The following TEAD1 variants were observed in gnomAD, a reference collection of about 807,000 sequenced individuals.
TEAD1 encodes TEA domain transcription factor 1, also known as transcriptional enhancer factor TEF-1.
TEAD1 carries 9 observed loss-of-function variants against 54.9 expected under a neutral mutation model. The ratio of observed to expected loss-of-function variants is 0.16; its 90% CI spans 0.10 to 0.29. TEAD1 has a LOEUF of 0.29. Ranked by LOEUF, TEAD1 falls within the 10% of genes least tolerant of loss-of-function variation. TEAD1 has a pLI of 1.00. For missense variants in TEAD1, 387 were observed against 535.9 expected (o/e 0.72, Z 2.74); for synonymous variants, 200 against 187.8 (o/e 1.07, Z -0.53).
At chr11:12,843,332 A>G (rs1947077251) in intron 3 of TEAD1, among the ~76,000 whole-genome samples, 1 of 152,250 alleles carries the variant, frequency 6.6e-6, no homozygotes, top group African/African-American at 2.4e-5. Context: ...TAAAGTAGAA[A>G]GTAGCACTCT....
At chr11:12,779,699 A>G (rs151144979) in intron 3 of TEAD1, among the ~76,000 whole-genome samples, 1 of 152,370 alleles carries the variant, frequency 6.6e-6, no homozygotes, top group Non-Finnish European at 1.5e-5. Flanking sequence ...ATATGAACCC[A>G]TTCAGCAACA....
intron 2 of TEAD1, among the ~76,000 whole-genome samples, chr11:12,727,568 T>C (rs920405072): frequency 4.6e-5 from 7 of 152,200 alleles, no homozygotes; most frequent in African/African-American, 1.7e-4. Flanking sequence ...TGATCCATGG[T>C]TCTCTTTGTA....
In TEAD1 at chr11:12,937,286, C is replaced by A; in HGVS notation, c.*64C>A. The A allele has an allele frequency of 1.5e-6, 2 of 1,303,014 alleles. No homozygotes were observed. The highest frequency in any genetic ancestry group is 2.2e-6 in the Non-Finnish European group (2 of 909,732). 80.7% of individuals were successfully genotyped at this position (1,303,014 alleles called of 1,614,324 possible). On this transcript the variant is annotated 3_prime_UTR_variant, in exon 13 of 13. Transcript: ENST00000527636. Reference sequence around the variant, plus strand: ...ACACACATATGTGCACACACACACTCTCTCTCCATTATCGAACGACTGACT... The same window carrying A: ...ACACACATATGTGCACACACACACTATCTCTCCATTATCGAACGACTGACT...
At chr11:12,713,773 G>A (rs1015220213) in intron 2 of TEAD1, among the ~76,000 whole-genome samples, 3 of 152,270 alleles carry the variant, frequency 2.0e-5, no homozygotes, top group East Asian at 1.9e-4. Context: ...CTGGTTGTTC[G>A]CCTTTTCCAC....
intron 2 of TEAD1, among the ~76,000 whole-genome samples, chr11:12,703,054 A>G (rs1051086156): frequency 1.3e-5 from 2 of 152,114 alleles, no homozygotes; most frequent in African/African-American, 4.8e-5. Flanking sequence ...GAGCCACTAC[A>G]TCTTATCCTG....
chr11:12,715,592 C>G (rs1386219520), intron 2 of TEAD1, among the ~76,000 whole-genome samples: 1 of 152,106 alleles, frequency 6.6e-6, no homozygotes, highest in African/African-American at 2.4e-5. Context: ...GACGGGGCTG[C>G]TGGAGACAGG....
intron 10 of TEAD1, among the ~76,000 whole-genome samples, chr11:12,912,072 GT>G (rs1225331902): frequency 3.3e-5 from 5 of 152,096 alleles, no homozygotes; most frequent in Non-Finnish European, 5.9e-5. Context: ...CCACCTGAGA[GT>G]TTGTTGAGGA....
chr11:12,787,105 G>T (rs555561557), intron 3 of TEAD1, among the ~76,000 whole-genome samples: 1 of 152,096 alleles, frequency 6.6e-6, no homozygotes, highest in Non-Finnish European at 1.5e-5. Context: ...ATCTGATTAG[G>T]TTTTGAAAGG....
intron 4 of TEAD1, among the ~76,000 whole-genome samples, chr11:12,863,194 C>T (rs1319456784): frequency 6.6e-6 from 1 of 152,208 alleles, no homozygotes; most frequent in Admixed American, 6.5e-5. Context: ...GATTTCAGTT[C>T]TCTTCCCAGT....
chr11:12,801,626 G>T (rs779287311), intron 3 of TEAD1, among the ~76,000 whole-genome samples: 1 of 152,244 alleles, frequency 6.6e-6, no homozygotes, highest in Non-Finnish European at 1.5e-5. Flanking sequence ...TGGAGCCTTG[G>T]TTTGAACCTG....
chr11:12,924,244 C>T (rs975801819), intron 10 of TEAD1, among the ~76,000 whole-genome samples: 1 of 151,642 alleles, frequency 6.6e-6, no homozygotes, highest in Non-Finnish European at 1.5e-5. Context: ...TGTGGAAAGT[C>T]ATACCTTCCA....
intron 2 of TEAD1, among the ~76,000 whole-genome samples, chr11:12,720,438 A>G (rs1944169100): frequency 6.6e-6 from 1 of 152,212 alleles, no homozygotes; most frequent in African/African-American, 2.4e-5. Context: ...AACTGCTGCA[A>G]CAGATATCAT....
At chr11:12,811,855 TG>T (rs1946307843) in intron 3 of TEAD1, among the ~76,000 whole-genome samples, 3 of 21,170 alleles carry the variant, frequency 1.4e-4, no homozygotes, top group Non-Finnish European at 1.9e-4. Flanking sequence ...TGGGTGGGGG[TG>T]GGGGTGGGGG....
chr11:12,901,620 C>T (rs1948427556), intron 9 of TEAD1, among the ~76,000 whole-genome samples: 1 of 152,102 alleles, frequency 6.6e-6, no homozygotes, highest in Non-Finnish European at 1.5e-5. Flanking sequence ...TCAGTTGGGT[C>T]AGGTGAAATT....
At chr11:12,828,154 G>A (rs1946694382) in intron 3 of TEAD1, 1 of 152,114 alleles carries the variant, frequency 6.6e-6, no homozygotes, top group African/African-American at 2.4e-5. Context: ...TGACTCTGGC[G>A]GGCTGAGGGT....
chr11:12,777,481 C>T (rs1945452852), intron 3 of TEAD1, among the ~76,000 whole-genome samples: 1 of 152,170 alleles, frequency 6.6e-6, no homozygotes, highest in African/African-American at 2.4e-5. Flanking sequence ...ACAGTAGCTT[C>T]CATGACCGCT....
At chr11:12,723,565 C>T (rs139214569) in intron 2 of TEAD1, among the ~76,000 whole-genome samples, 25 of 152,248 alleles carry the variant, frequency 1.6e-4, no homozygotes, top group African/African-American at 5.5e-4. Context: ...TGGAGAGTAG[C>T]GGGGCTTTTC....
In TEAD1 at chr11:12,930,181, A is replaced by G; in HGVS notation, c.1022A>G (p.Tyr341Cys). 1 of 1,614,268 alleles carries G rather than the reference A, an allele frequency of 6.2e-7. No homozygotes were observed. Among genetic ancestry groups the G allele is most frequent in the Non-Finnish European group, 8.5e-7 (1 of 1,180,048 alleles). ...ATCCTTTTTTCCTCACAGACGGAGT[A>G]TGCAAGGTTTGAGAATGGCCGATTT... The change falls in exon 12 of 13, where the codon TAT becomes TGT. Residue 341 changes from tyrosine (Y) to cysteine (C), a missense_variant. Tyr to Cys is a radical substitution (Grantham distance 194). Coordinates refer to ENST00000527636, the MANE Select transcript of TEAD1 (RefSeq NM_021961.6).
chr11:12,910,849 C>T (rs1837532), intron 10 of TEAD1, among the ~76,000 whole-genome samples: 245 of 147,852 alleles, frequency 1.7e-3, no homozygotes, highest in African/African-American at 5.6e-3. Flanking sequence ...CGGGTTCAAG[C>T]GATTCTCCTG....
Sources: allele counts gnomAD v4.1 joint callset (sites outside exome capture counted in the v4.1 genomes callset), GRCh38; gene constraint gnomAD v4.1.1; transcripts MANE v1.5; gene names NCBI Gene and HGNC (gene_info 2026-07-23, HGNC 2026-07-21).